PDZRN3: variants seen among roughly 807,000 people sequenced by gnomAD.
PDZRN3 encodes the protein PDZ domain containing ring finger 3.
PDZRN3 carries 38 observed loss-of-function variants against 85.7 expected under a neutral mutation model. The ratio of observed to expected loss-of-function variants is 0.44; its 90% confidence interval spans 0.34 to 0.58. PDZRN3 has a LOEUF of 0.58. Ranked by LOEUF, PDZRN3 falls within the 20% of genes least tolerant of loss-of-function variation. PDZRN3 has a pLI of 0.01. For missense variants in PDZRN3, 1,629 were observed against 1,506.4 expected (o/e 1.08, Z -1.35); for synonymous variants, 759 against 638.0 (o/e 1.19, Z -2.86).
At chr3:73,548,142 GCCCACACCC>G (rs1320293107) in intron 3 of PDZRN3, among the ~76,000 whole-genome samples, 10 of 152,076 alleles carry the variant, frequency 6.6e-5, no homozygotes, top group African/African-American at 2.4e-4. Flanking sequence ...ACAACCCCGC[GCCCACACCC>G]CTTCCTCTAT....
intron 3 of PDZRN3, among the ~76,000 whole-genome samples, chr3:73,514,284 C>T (rs1045465898): frequency 2.0e-4 from 31 of 152,188 alleles, no homozygotes; most frequent in African/African-American, 7.5e-4. Context: ...TGACCCTAAA[C>T]TACTCTTCAG....
chr3:73,383,683 G>A lies in PDZRN3; in HGVS notation c.2883C>T (p.Asp961=), dbSNP rs772940210. The A allele has an allele frequency of 3.1e-6, 5 of 1,611,662 alleles. No homozygotes were observed. In the East Asian group the frequency reaches 8.9e-5, roughly 29 times the overall value. The change falls in exon 10 of 10, where the codon GAC becomes GAT. Residue 961 remains aspartate, a synonymous_variant. Transcript: ENST00000263666. ...CCATCTTCATCTCGCTCACCGCGTC[G>A]TCGTCGGTGGTCATGCCGCTGCGCT... ...REERSGMTTD[D]DAVSEMKMGR... is the part of the protein sequence containing the mutation.
intron 3 of PDZRN3, among the ~76,000 whole-genome samples, chr3:73,427,027 G>A (rs77864892): frequency 6.6e-6 from 1 of 152,230 alleles, no homozygotes; most frequent in African/African-American, 2.4e-5. Context: ...TTTATCACAA[G>A]CTGATGAATA....
At chr3:73,545,954 A>G (rs1701414246) in intron 3 of PDZRN3, among the ~76,000 whole-genome samples, 1 of 152,148 alleles carries the variant, frequency 6.6e-6, no homozygotes, top group African/African-American at 2.4e-5. Flanking sequence ...CCAGGTCACC[A>G]TCCGGCTCTG....
intron 3 of PDZRN3, chr3:73,569,453 G>A (rs2106848392): frequency 8.8e-7 from 1 of 1,138,488 alleles, no homozygotes; most frequent in East Asian, 7.1e-5. Flanking sequence ...TAAGCCCCGA[G>A]GCGTCTACAC....
Position 73,433,842 on chromosome 3 carries a change from G to A in PDZRN3, c.919-29447C>T, listed in dbSNP as rs1041631759. 1.2e-5 allele frequency: 18 copies of A among 1,451,706 alleles called. No individual in the cohort carries two copies. In the African/African-American group the frequency reaches 1.7e-4, roughly 14 times the overall value. 89.9% of individuals were successfully genotyped at this position (1,451,706 alleles called of 1,614,324 possible). On this transcript the variant is annotated intron_variant, in intron 3 of 9. Transcript: ENST00000263666. ...AGCGACTGCAACGCTTCACATTGGC[G>A]CTGCTCTCAGAGGCTAGACAACAAC...
intron 3 of PDZRN3, among the ~76,000 whole-genome samples, chr3:73,527,985 A>G (rs1704564497): frequency 6.6e-6 from 1 of 152,222 alleles, no homozygotes; most frequent in Admixed American, 6.5e-5. Context: ...GTGCTGGCAT[A>G]GCCAAAAGCC....
chr3:73,450,818 C>G (rs11128339), intron 3 of PDZRN3, among the ~76,000 whole-genome samples: 119,676 of 152,074 alleles, frequency 0.79, 47,264 homozygotes, highest in East Asian at 0.91. Context: ...TGCTGCCCAT[C>G]AGAAGCCTTA....
At chr3:73,565,134 T>G (rs1218775172) in intron 3 of PDZRN3, among the ~76,000 whole-genome samples, 1 of 13,338 alleles carries the variant, frequency 7.5e-5, no homozygotes, top group Admixed American at 1.2e-3. Context: ...TTTTTTTTTT[T>G]TTTTTTTTTT....
intron 3 of PDZRN3, chr3:73,569,230 T>C (rs1575743311): frequency 1.6e-6 from 2 of 1,287,836 alleles, no homozygotes; most frequent in African/African-American, 3.0e-5. Flanking sequence ...TCATAAATAC[T>C]TCAGTCTGCA....
At chr3:73,462,171 G>A (rs1319790463) in intron 3 of PDZRN3, among the ~76,000 whole-genome samples, 1 of 152,146 alleles carries the variant, frequency 6.6e-6, no homozygotes, top group Admixed American at 6.5e-5. Flanking sequence ...ACTTTTGATT[G>A]GGAAAGTTTG....
At chr3:73,405,889 CT>C (rs1296214890) in intron 3 of PDZRN3, among the ~76,000 whole-genome samples, 4 of 152,280 alleles carry the variant, frequency 2.6e-5, no homozygotes, top group East Asian at 3.9e-4. Context: ...CTGTTTTTCT[CT>C]TTTTTTCCCC....
In PDZRN3 at chr3:73,508,326, C is replaced by T. The variant is rs532454930; in HGVS notation, c.918+94028G>A. 9.8e-5 allele frequency among the ~76,000 whole-genome samples: 15 copies of T among 152,310 alleles called. 1 individual carries two copies. The highest frequency in any genetic ancestry group is 7.8e-4 in the Admixed American group (12 of 15,304). On this transcript the variant is annotated intron_variant, in intron 3 of 9. Transcript: ENST00000263666. ...CCTCCACCTTTGGTCCTCAGAGCTT[C>T]GTGCATAAACTCAGTCCTGCACTGT...
intron 1 of PDZRN3, among the ~76,000 whole-genome samples, chr3:73,616,986 C>A (rs1230580985): frequency 1.3e-5 from 2 of 152,190 alleles, no homozygotes; most frequent in East Asian, 3.8e-4. Context: ...ACCTTGGAGT[C>A]AGCCTGTGGA....
At position 73,384,668 on chromosome 3, in the gene PDZRN3, G is replaced by A. The variant is rs1389026764; in HGVS notation, c.1898C>T (p.Ala633Val). Residue 633 changes from alanine (A) to valine (V), a missense_variant, in exon 10 of 10, where the codon GCC becomes GTC. Ala to Val is a moderately conservative substitution (Grantham distance 64, BLOSUM62 0). Coordinates refer to ENST00000263666, the MANE Select transcript of PDZRN3 (RefSeq NM_015009.3). ...GTCCACCGGGATCCCCAGGTAGTCGGCGTCCGTGCAGTCGGCCGAAATGAA... is the reference window on the plus strand; with the variant it reads ...GTCCACCGGGATCCCCAGGTAGTCGACGTCCGTGCAGTCGGCCGAAATGAA... The part of the protein sequence containing the change: ...ESFISADCTD[A>V]DYLGIPVDEC... 2 of 1,613,874 alleles carry A rather than the reference G, an allele frequency of 1.2e-6. No homozygotes were observed. Among genetic ancestry groups the A allele is most frequent in the Non-Finnish European group, 1.7e-6 (2 of 1,180,040 alleles).
chr3:73,486,829 A>T (rs1314285514), intron 3 of PDZRN3, among the ~76,000 whole-genome samples: 2 of 152,226 alleles, frequency 1.3e-5, no homozygotes, highest in Non-Finnish European at 1.5e-5. Flanking sequence ...ATCAAAGGTC[A>T]GATATTTTAT....
chr3:73,506,536 C>G (rs997359821), intron 3 of PDZRN3, among the ~76,000 whole-genome samples: 2 of 151,992 alleles, frequency 1.3e-5, no homozygotes, highest in Admixed American at 6.6e-5. Context: ...ATCAGCTACT[C>G]AAATAATCTA....
chr3:73,385,087 C>G (rs1701337881), intron 9 of PDZRN3, among the ~76,000 whole-genome samples, 157 bp from the exon 10 acceptor site: 1 of 152,198 alleles, frequency 6.6e-6, no homozygotes, highest in South Asian at 2.1e-4. Context: ...TAGCGTGGGC[C>G]TTAGCTACAC....
intron 3 of PDZRN3, among the ~76,000 whole-genome samples, chr3:73,498,876 C>T (rs891797478): frequency 6.6e-6 from 1 of 152,116 alleles, no homozygotes; most frequent in Non-Finnish European, 1.5e-5. Flanking sequence ...AGTCATCGTG[C>T]CTGGCCCGTA....
Sources: allele counts gnomAD v4.1 joint callset (sites outside exome capture counted in the v4.1 genomes callset), GRCh38; gene constraint gnomAD v4.1.1; transcripts MANE v1.5; gene names NCBI Gene and HGNC (gene_info 2026-07-23, HGNC 2026-07-21).